The following AHRR variants were observed in gnomAD, a reference collection of about 807,000 sequenced individuals.
AHRR encodes the protein ahR repressor.
In AHRR, 28 loss-of-function variants were observed where a neutral mutation model predicts 44.0. The ratio of observed to expected loss-of-function variants is 0.64; its 90% CI spans 0.47 to 0.87. The LOEUF (loss-of-function observed/expected upper bound fraction) is 0.87, where lower values mean the gene tolerates loss of function less well. Ranked by LOEUF, AHRR falls within the 40% of genes least tolerant of loss-of-function variation. The pLI, the probability that AHRR is intolerant of heterozygous loss-of-function variation, is 0.00. For synonymous variants in AHRR, 434 were observed against 407.0 expected (o/e 1.07, Z -0.80); for missense variants, 990 against 953.9 (o/e 1.04, Z -0.50).
At chr5:407,489 A>G (rs1735311115) in intron 4 of AHRR, among the ~76,000 whole-genome samples, 1 of 152,150 alleles carries the variant, frequency 6.6e-6, no homozygotes, top group South Asian at 2.1e-4. Flanking sequence ...TGTAAAGGTT[A>G]TGGGTATCTG....
intron 3 of AHRR, among the ~76,000 whole-genome samples, chr5:376,370 C>T (rs1158514272): frequency 6.6e-6 from 1 of 152,142 alleles, no homozygotes; most frequent in Admixed American, 6.5e-5. Flanking sequence ...CCTCCATGTC[C>T]TGGTGTCCCC....
intron 5 of AHRR, 37 bp from the exon 6 acceptor site, chr5:422,692 G>A (rs1308428294): frequency 1.2e-6 from 2 of 1,613,956 alleles, no homozygotes; most frequent in South Asian, 2.2e-5. Context: ...AAAGCCACTT[G>A]GGGTAAGGCT....
chr5:377,206 C>T (rs1207576012), intron 4 of AHRR, among the ~76,000 whole-genome samples: 1 of 152,178 alleles, frequency 6.6e-6, no homozygotes, highest in Non-Finnish European at 1.5e-5. Context: ...TCCCCCATCC[C>T]TGCGACTCTG....
chr5:370,100 G>A lies in AHRR; in HGVS notation c.245-6510G>A, dbSNP rs113304623. On this transcript the variant is annotated intron_variant, in intron 3 of 10. Transcript: ENST00000684583. This position sits in a 1 kb window ranked among gnomAD's most constrained non-coding sequence, Gnocchi z 4.5. Reference sequence around the variant, plus strand: ...CCCTCGCTGGAAGCCCCGTCCTCCCGGGCCCTCGCTGGAAGCCCCGTCCTC... The same window carrying A: ...CCCTCGCTGGAAGCCCCGTCCTCCCAGGCCCTCGCTGGAAGCCCCGTCCTC... Among the ~76,000 whole-genome samples the A allele has an allele frequency of 8.3e-5, 12 of 144,884 alleles. No homozygotes were observed. The highest frequency in any genetic ancestry group is 2.2e-4 in the South Asian group (1 of 4,636).
Position 353,720 on chromosome 5 carries a change from C to T in AHRR, c.63-10C>T. 1.2e-6 allele frequency: 2 copies of T among 1,600,644 alleles called. No individual in the cohort carries two copies. The highest frequency in any genetic ancestry group is 4.5e-5 in the East Asian group (2 of 44,846). ...GAGAAGCCCACCTGACCCAGACCAT[C>T]TCCCCACAGGAGGCCCGCCGTGGGG... On this transcript the variant is annotated splice_polypyrimidine_tract_variant and intron_variant, in intron 2 of 10. Coordinates refer to ENST00000684583, the MANE Select transcript of AHRR (RefSeq NM_001377236.1).
At chr5:386,315 T>C (rs1399561831) in intron 4 of AHRR, among the ~76,000 whole-genome samples, 1 of 152,262 alleles carries the variant, frequency 6.6e-6, no homozygotes, top group Non-Finnish European at 1.5e-5. Flanking sequence ...CCCAAAGCTG[T>C]TCACATGCTG....
Position 395,530 on chromosome 5 carries a change from C to T in AHRR, c.352-17814C>T, listed in dbSNP as rs1734666540. Reference sequence around the variant, plus strand: ...GCCAGGTCATCAGAAGCGCCTGCTCCAGCTCCCACCCTGCCTGTGCCCAGT... The same window carrying T: ...GCCAGGTCATCAGAAGCGCCTGCTCTAGCTCCCACCCTGCCTGTGCCCAGT... On this transcript the variant is annotated intron_variant, in intron 4 of 10. Coordinates refer to ENST00000684583, the MANE Select transcript of AHRR (RefSeq NM_001377236.1). The surrounding 1 kb of genome is among the most constrained non-coding windows in gnomAD (Gnocchi z 5.3). Among the ~76,000 whole-genome samples, 1 of 152,244 alleles carries T rather than the reference C, an allele frequency of 6.6e-6. No individual in the cohort carries two copies. The highest frequency in any genetic ancestry group is 2.1e-4 in the South Asian group (1 of 4,832).
intron 3 of AHRR, among the ~76,000 whole-genome samples, chr5:366,133 A>G (rs2126417852): frequency 6.8e-6 from 1 of 148,056 alleles, no homozygotes; most frequent in South Asian, 2.3e-4. Context: ...TAGCAGCAGC[A>G]ATCACACCTA....
chr5:343,785 G>A, intron 1 of AHRR, 108 bp from the exon 2 acceptor site: 1 of 1,144,326 alleles, frequency 8.7e-7, no homozygotes, highest in Non-Finnish European at 1.2e-6. Context: ...GCCTCGCGGG[G>A]TCGCGGGTGT....
At chr5:374,932 G>A (rs2561675) in intron 3 of AHRR, among the ~76,000 whole-genome samples, 1,711 of 152,308 alleles carry the variant, frequency 0.011, 38 homozygotes, top group African/African-American at 0.04. Flanking sequence ...TGCTCACCAC[G>A]GCCTGGGGAC....
chr5:433,881 C>G lies in AHRR; in HGVS notation c.1141C>G (p.Leu381Val). The G allele has an allele frequency of 6.6e-7, 1 of 1,509,916 alleles. No individual in the cohort carries two copies. 93.5% of individuals were successfully genotyped at this position (1,509,916 alleles called of 1,614,324 possible). Reference protein sequence around the residue: ...GDREEEQHRMLSRASGVTGRR... With the variant: ...GDREEEQHRMVSRASGVTGRR... ...CAGGGAGGAGGAGCAGCACAGGATGCTGAGCAGGGCCTCTGGAGTGACAGG... is the reference window on the plus strand; with the variant it reads ...CAGGGAGGAGGAGCAGCACAGGATGGTGAGCAGGGCCTCTGGAGTGACAGG... The change falls in exon 11 of 11, where the codon CTG becomes GTG. Residue 381 changes from leucine (L) to valine (V), a missense_variant. By Grantham distance (32) the Leu-to-Val change is conservative. Coordinates refer to ENST00000684583, the MANE Select transcript of AHRR (RefSeq NM_001377236.1).
intron 1 of AHRR, 100 bp from the exon 2 acceptor site, chr5:343,793 T>A: frequency 8.1e-7 from 1 of 1,234,328 alleles, no homozygotes; most frequent in Non-Finnish European, 1.1e-6. Context: ...GGGTCGCGGG[T>A]GTGGGGGCGC....
chr5:374,088 C>G (rs542957353), intron 3 of AHRR, among the ~76,000 whole-genome samples: 177 of 152,222 alleles, frequency 1.2e-3, no homozygotes, highest in African/African-American at 4.1e-3. Flanking sequence ...GGAGCGACCC[C>G]TGCAATGGGG....
Position 343,837 on chromosome 5 carries a change from CG to C in AHRR, c.-10-53del. 2.6e-6 allele frequency: 4 copies of C among 1,541,618 alleles called. 1 individual carries two copies. Among genetic ancestry groups the C allele is most frequent in the South Asian group, 2.3e-5 (2 of 85,600 alleles). On this transcript the variant is annotated intron_variant, in intron 1 of 10. Transcript: ENST00000684583. ...CGCTGAGGGGCCCGGGGCATCGCGG[CG>C]GGAACAGGGCGCACGTGGCGCGTTC...
chr5:384,493 G>A (rs767407136), intron 4 of AHRR, among the ~76,000 whole-genome samples: 1 of 152,022 alleles, frequency 6.6e-6, no homozygotes, highest in Non-Finnish European at 1.5e-5. Flanking sequence ...GCATGATCTC[G>A]ATTCACTGCA....
At chr5:345,789 G>A (rs1256496734) in intron 2 of AHRR, among the ~76,000 whole-genome samples, 3 of 152,174 alleles carry the variant, frequency 2.0e-5, no homozygotes, top group African/African-American at 7.2e-5. Flanking sequence ...GCACTGCGGG[G>A]CCCCAGGAGG....
intron 8 of AHRR, 44 bp downstream of exon 8, chr5:428,050 G>C: frequency 6.4e-7 from 1 of 1,573,332 alleles, no homozygotes. Context: ...GCCTGCTGGC[G>C]GCCCCCACAA....
chr5:427,634 C>T (rs1736494514), intron 7 of AHRR, 173 bp from the exon 8 acceptor site: 1 of 1,613,132 alleles, frequency 6.2e-7, no homozygotes, highest in African/African-American at 1.3e-5. Context: ...AATCACTCTG[C>T]AGGCCCGGGG....
chr5:428,175 A>C (rs1736557165), intron 8 of AHRR, among the ~76,000 whole-genome samples, 169 bp downstream of exon 8: 1 of 152,266 alleles, frequency 6.6e-6, no homozygotes, highest in Non-Finnish European at 1.5e-5. Context: ...ATTAGATGAA[A>C]CAATGTTTTT....
Sources: gnomAD v4.1 joint callset for allele counts (sites outside exome capture counted in the v4.1 genomes callset) on GRCh38, gnomAD v4.1.1 for gene constraint, Gnocchi (gnomAD v3.1) non-coding constraint, MANE v1.5 for transcripts, NCBI Gene and HGNC (gene_info 2026-07-23, HGNC 2026-07-21) for gene names.